The following CBLB variants were observed in gnomAD, a reference collection of about 807,000 sequenced individuals.
CBLB encodes the protein E3 ubiquitin-protein ligase CBL-B.
Under a neutral mutation model 104.9 loss-of-function variants are expected in CBLB, and 31 were observed. The ratio of observed to expected loss-of-function variants is 0.30; its 90% CI spans 0.22 to 0.40. CBLB has a LOEUF of 0.40. Among genes scored for constraint, CBLB ranks in the 10% least tolerant of loss-of-function variants. The pLI is 1.00. For missense variants in CBLB, 1,062 were observed against 1,214.6 expected (o/e 0.87, Z 1.87); for synonymous variants, 440 against 422.6 (o/e 1.04, Z -0.51).
intron 5 of CBLB, 139 bp downstream of exon 5, chr3:105,751,323 A>C: frequency 2.7e-6 from 2 of 728,426 alleles, no homozygotes; most frequent in Non-Finnish European, 4.9e-6. Context: ...AAAATTACAG[A>C]CTAATAGGAA....
intron 3 of CBLB, among the ~76,000 whole-genome samples, chr3:105,828,114 A>G (rs762218606): frequency 3.3e-4 from 50 of 152,310 alleles, no homozygotes; most frequent in Non-Finnish European, 6.5e-4. Flanking sequence ...CACATGGTTG[A>G]GATGACTCAT....
intron 9 of CBLB, among the ~76,000 whole-genome samples, chr3:105,733,452 C>T (rs993863022): frequency 1.3e-5 from 2 of 151,874 alleles, no homozygotes; most frequent in African/African-American, 2.4e-5. Flanking sequence ...TGAATGCCTG[C>T]GGCAGATGGG....
chr3:105,850,196 G>T (rs1170577926), intron 3 of CBLB, among the ~76,000 whole-genome samples: 1 of 152,060 alleles, frequency 6.6e-6, no homozygotes, highest in Admixed American at 6.6e-5. Context: ...CTCTAATTGA[G>T]AGAGAAAATT....
chr3:105,689,228 A>C (rs13077387), intron 13 of CBLB, among the ~76,000 whole-genome samples: 151,527 of 152,058 alleles, frequency 1, 75,502 homozygotes, highest in East Asian at 1. Context: ...AACCTCTAGT[A>C]AGTAAAGCAA....
chr3:105,682,261 T>A (rs929036833), intron 14 of CBLB: 1 of 162,798 alleles, frequency 6.1e-6, no homozygotes, highest in Non-Finnish European at 1.3e-5. Flanking sequence ...TTCCTTGTAA[T>A]AAAAATAAGC....
chr3:105,813,855 T>C (rs1227421497), intron 3 of CBLB, among the ~76,000 whole-genome samples: 1 of 152,176 alleles, frequency 6.6e-6, no homozygotes, highest in African/African-American at 2.4e-5. Flanking sequence ...TTTCCTTGTC[T>C]TTCTCACTTC....
chr3:105,863,329 C>T (rs2092241531), intron 2 of CBLB, among the ~76,000 whole-genome samples: 2 of 152,188 alleles, frequency 1.3e-5, no homozygotes, highest in Non-Finnish European at 2.9e-5. Flanking sequence ...ACTGTCCAGA[C>T]AATTTGTTAT....
intron 3 of CBLB, among the ~76,000 whole-genome samples, chr3:105,803,594 T>A (rs1228532569): frequency 6.6e-6 from 1 of 152,210 alleles, no homozygotes; most frequent in Non-Finnish European, 1.5e-5. Flanking sequence ...TGAGCCCCAC[T>A]CTCTATCCTC....
intron 10 of CBLB, among the ~76,000 whole-genome samples, chr3:105,705,446 C>A (rs893117183): frequency 6.6e-6 from 1 of 152,194 alleles, no homozygotes; most frequent in Admixed American, 6.5e-5. Context: ...TCCCTACTCT[C>A]CTTTTGGCTC....
intron 12 of CBLB, among the ~76,000 whole-genome samples, chr3:105,701,341 A>G (rs1306524386): frequency 6.6e-6 from 1 of 152,218 alleles, no homozygotes; most frequent in Non-Finnish European, 1.5e-5. Context: ...AGTATATAGG[A>G]GGTTCATTTT....
intron 6 of CBLB, among the ~76,000 whole-genome samples, chr3:105,742,632 A>C (rs183841706): frequency 6.6e-6 from 1 of 152,318 alleles, no homozygotes; most frequent in Non-Finnish European, 1.5e-5. Flanking sequence ...ATAAATTATA[A>C]TTCAGAAGGA....
chr3:105,828,249 A>T (rs917506516), intron 3 of CBLB, among the ~76,000 whole-genome samples: 2 of 152,144 alleles, frequency 1.3e-5, no homozygotes, highest in African/African-American at 4.8e-5. Flanking sequence ...AATTCATCAA[A>T]ACTTGCTCAC....
intron 3 of CBLB, among the ~76,000 whole-genome samples, chr3:105,843,277 A>G (rs535786512): frequency 2.0e-5 from 3 of 152,332 alleles, no homozygotes; most frequent in Non-Finnish European, 2.9e-5. Context: ...TTTGAATTGA[A>G]ATCATGTTTA....
chr3:105,658,938 G>A lies in CBLB; in HGVS notation c.*32C>T. ...TCCACACTCTTGGAATACATCGATTGCTTTCCATTTTGGTGTCTACAGTTC... is the reference window on the plus strand; with the variant it reads ...TCCACACTCTTGGAATACATCGATTACTTTCCATTTTGGTGTCTACAGTTC... On this transcript the variant is annotated 3_prime_UTR_variant, in exon 19 of 19. Coordinates refer to ENST00000394030, the MANE Select transcript of CBLB (RefSeq NM_170662.5). 6.2e-7 allele frequency: 1 copy of A among 1,608,768 alleles called. No individual in the cohort carries two copies. Among genetic ancestry groups the A allele is most frequent in the Non-Finnish European group, 8.5e-7 (1 of 1,175,630 alleles).
At chr3:105,741,122 C>T (rs1214932909) in intron 6 of CBLB, among the ~76,000 whole-genome samples, 3 of 56,904 alleles carry the variant, frequency 5.3e-5, no homozygotes, top group South Asian at 6.2e-4. Context: ...TTTTTTGAGA[C>T]GGAGTCTTAC....
At chr3:105,829,879 T>C (rs1415869534) in intron 3 of CBLB, among the ~76,000 whole-genome samples, 1 of 152,134 alleles carries the variant, frequency 6.6e-6, no homozygotes, top group Non-Finnish European at 1.5e-5. Context: ...AATCATCTAT[T>C]ACATATATTT....
chr3:105,850,652 AC>A (rs2090825200), intron 3 of CBLB, among the ~76,000 whole-genome samples: 1 of 152,282 alleles, frequency 6.6e-6, no homozygotes, highest in African/African-American at 2.4e-5. Flanking sequence ...GAATGGCCAA[AC>A]AATAAACTTG....
intron 2 of CBLB, among the ~76,000 whole-genome samples, chr3:105,859,143 G>A (rs539623389): frequency 6.6e-6 from 1 of 152,276 alleles, no homozygotes; most frequent in South Asian, 2.1e-4. Flanking sequence ...AAATGTATTA[G>A]ATCAGATAGT....
At chr3:105,764,512 A>T (rs1484846001) in intron 4 of CBLB, among the ~76,000 whole-genome samples, 1 of 152,132 alleles carries the variant, frequency 6.6e-6, no homozygotes, top group Non-Finnish European at 1.5e-5. Context: ...TTAATGGTAT[A>T]TGTTCTCACT....
Sources: allele counts gnomAD v4.1 joint callset (sites outside exome capture counted in the v4.1 genomes callset), GRCh38; gene constraint gnomAD v4.1.1; transcripts MANE v1.5; gene names NCBI Gene and HGNC (gene_info 2026-07-23, HGNC 2026-07-21).